Variants in PARD3B observed in about 807,000 individuals in gnomAD.
PARD3B encodes the protein par-3 family cell polarity regulator beta, also known as partitioning defective 3 homolog B.
Under a neutral mutation model 130.2 loss-of-function variants are expected in PARD3B, and 103 were observed. That is an observed-to-expected ratio of 0.79 (90% CI 0.67 to 0.93). The LOEUF is 0.93. PARD3B is among the 40% of genes least tolerant of loss of function. The probability of loss-of-function intolerance (pLI) is 0.00; values close to 1 mark genes in which losing one functional copy is unlikely to be tolerated. For missense variants in PARD3B, 1,609 were observed against 1,499.2 expected (o/e 1.07, Z -1.21); for synonymous variants, 583 against 553.2 (o/e 1.05, Z -0.76).
intron 2 of PARD3B, among the ~76,000 whole-genome samples, chr2:204,807,980 CAAA>C (rs2042834681): frequency 6.6e-6 from 1 of 151,766 alleles, no homozygotes; most frequent in Non-Finnish European, 1.5e-5. Context: ...GTCTGTAACA[CAAA>C]GAAATGATAA....
intron 18 of PARD3B, among the ~76,000 whole-genome samples, chr2:205,356,530 G>A (rs1231724072): frequency 2.0e-5 from 3 of 152,022 alleles, no homozygotes; most frequent in African/African-American, 7.2e-5. Flanking sequence ...ACCTGGCTGA[G>A]ATTATTTTTT....
At chr2:205,531,499 G>A (rs886259255) in intron 21 of PARD3B, among the ~76,000 whole-genome samples, 3 of 152,024 alleles carry the variant, frequency 2.0e-5, no homozygotes, top group Non-Finnish European at 2.9e-5. Flanking sequence ...AAATGTTCTT[G>A]CTCTCTAAAT....
chr2:205,404,875 A>G (rs2046368144), intron 19 of PARD3B, among the ~76,000 whole-genome samples: 1 of 152,176 alleles, frequency 6.6e-6, no homozygotes, highest in Non-Finnish European at 1.5e-5. Context: ...AAATGTCTTT[A>G]TAAGTTACCT....
intron 11 of PARD3B, among the ~76,000 whole-genome samples, chr2:205,159,358 A>T (rs1426803582): frequency 6.6e-6 from 1 of 152,220 alleles, no homozygotes; most frequent in East Asian, 1.9e-4. Flanking sequence ...CATTTTATAC[A>T]CTTGAAGAAA....
At chr2:204,895,658 A>G (rs1311477996) in intron 2 of PARD3B, among the ~76,000 whole-genome samples, 2 of 152,138 alleles carry the variant, frequency 1.3e-5, no homozygotes, top group African/African-American at 4.8e-5. Flanking sequence ...CCGCCAAAAA[A>G]AGAACCAATA....
At chr2:205,275,634 G>A (rs1038068526) in intron 16 of PARD3B, among the ~76,000 whole-genome samples, 6 of 151,778 alleles carry the variant, frequency 4.0e-5, no homozygotes, top group Admixed American at 3.9e-4. Context: ...TCAGAAGTTC[G>A]AGACCAGCCT....
intron 18 of PARD3B, among the ~76,000 whole-genome samples, chr2:205,389,321 T>C (rs140610664): frequency 6.6e-6 from 1 of 152,188 alleles, no homozygotes; most frequent in African/African-American, 2.4e-5. Context: ...AAAGAACTCT[T>C]CTATGAAAGA....
chr2:205,110,000 G>C (rs1703512286), intron 5 of PARD3B, among the ~76,000 whole-genome samples: 1 of 152,086 alleles, frequency 6.6e-6, no homozygotes, highest in African/African-American at 2.4e-5. Flanking sequence ...TGAGGAAACT[G>C]AGGCACCAGG....
intron 2 of PARD3B, among the ~76,000 whole-genome samples, chr2:204,892,162 A>G (rs1015150625): frequency 1.3e-5 from 2 of 152,168 alleles, no homozygotes; most frequent in Admixed American, 6.5e-5. Flanking sequence ...TTACATTGCT[A>G]TGAAGGTGCA....
At chr2:204,850,159 G>C (rs553952975) in intron 2 of PARD3B, among the ~76,000 whole-genome samples, 1 of 152,212 alleles carries the variant, frequency 6.6e-6, no homozygotes, top group East Asian at 1.9e-4. Context: ...TTTGCTACTT[G>C]AAGCTTAGTT....
chr2:204,614,896 A>T (rs2034054158), intron 1 of PARD3B, among the ~76,000 whole-genome samples: 1 of 152,160 alleles, frequency 6.6e-6, no homozygotes, highest in African/African-American at 2.4e-5. Flanking sequence ...GAGCCAATTA[A>T]AACTCTTTCT....
intron 1 of PARD3B, among the ~76,000 whole-genome samples, chr2:204,582,880 A>G (rs1031705564): frequency 6.6e-6 from 1 of 152,194 alleles, no homozygotes; most frequent in Non-Finnish European, 1.5e-5. Flanking sequence ...TCTGATGGCC[A>G]GTGATGATGA....
intron 21 of PARD3B, among the ~76,000 whole-genome samples, chr2:205,516,884 T>A (rs1351957297): frequency 6.6e-6 from 1 of 152,254 alleles, no homozygotes; most frequent in East Asian, 1.9e-4. Context: ...CCATTTAGTA[T>A]AATATTGGTT....
At position 204,812,072 on chromosome 2, in the gene PARD3B, T is replaced by G. The variant is rs182918950; in HGVS notation, c.222+125790T>G. 4.5e-4 allele frequency among the ~76,000 whole-genome samples: 68 copies of G among 152,336 alleles called. 1 individual carries two copies. In the East Asian group the frequency reaches 0.011, roughly 24 times the overall value. ...CCCTTCCAATCCATTCTAAACTTTTTTCTATCACTGTATATTAGTTTGCAC... is the reference window on the plus strand; with the variant it reads ...CCCTTCCAATCCATTCTAAACTTTTGTCTATCACTGTATATTAGTTTGCAC... On this transcript the variant is annotated intron_variant, in intron 2 of 22. Transcript: ENST00000406610.
At chr2:205,002,256 T>G (rs1316784755) in intron 3 of PARD3B, among the ~76,000 whole-genome samples, 1 of 152,202 alleles carries the variant, frequency 6.6e-6, no homozygotes, top group African/African-American at 2.4e-5. Flanking sequence ...TGTAGACTGT[T>G]AACTACATTT....
chr2:205,596,696 A>T (rs73062212), intron 22 of PARD3B, among the ~76,000 whole-genome samples: 3,502 of 152,252 alleles, frequency 0.023, 128 homozygotes, highest in African/African-American at 0.078. Flanking sequence ...GAATGTTAGA[A>T]TAATCATCCC....
intron 22 of PARD3B, among the ~76,000 whole-genome samples, chr2:205,582,387 G>A (rs773499510): frequency 7.2e-5 from 11 of 152,016 alleles, no homozygotes; most frequent in Non-Finnish European, 1.5e-4. Context: ...TTACAATGCT[G>A]GTAATTAAAG....
chr2:204,786,598 C>T (rs1414092260), intron 2 of PARD3B, among the ~76,000 whole-genome samples: 2 of 151,812 alleles, frequency 1.3e-5, no homozygotes, highest in Non-Finnish European at 2.9e-5. Context: ...ACTGGAACTT[C>T]ATCTGGCTAA....
At chr2:204,849,739 C>A (rs1343548285) in intron 2 of PARD3B, among the ~76,000 whole-genome samples, 1 of 152,062 alleles carries the variant, frequency 6.6e-6, no homozygotes, top group African/African-American at 2.4e-5. Context: ...AAATGCTGTT[C>A]TTCCTTTCTA....
Sources: allele counts gnomAD v4.1 joint callset (sites outside exome capture counted in the v4.1 genomes callset), GRCh38; gene constraint gnomAD v4.1.1; transcripts MANE v1.5; gene names NCBI Gene and HGNC (gene_info 2026-07-23, HGNC 2026-07-21).